The following TRPM1 variants were observed in gnomAD, a reference collection of about 807,000 sequenced individuals.
TRPM1 encodes TRPM1-203 APA Isoform, Intron 10.
Under a neutral mutation model 149.4 loss-of-function variants are expected in TRPM1, and 113 were observed. The ratio of observed to expected loss-of-function variants is 0.76; its 90% CI spans 0.65 to 0.88. The LOEUF is 0.88. TRPM1 is among the 40% of genes least tolerant of loss of function. TRPM1 has a pLI of 0.00. For missense variants in TRPM1, 1,976 were observed against 2,038.7 expected (o/e 0.97, Z 0.59); for synonymous variants, 741 against 759.5 (o/e 0.98, Z 0.40).
intron 10 of TRPM1, 80 bp from the exon 11 acceptor site, chr15:31,060,724 C>T: frequency 8.8e-7 from 1 of 1,137,172 alleles, no homozygotes; most frequent in Non-Finnish European, 1.3e-6. Flanking sequence ...GTGGTGAGCA[C>T]AGGCTTCCCT....
upstream of TRPM1, among the ~76,000 whole-genome samples, chr15:31,105,435 CTGTGTGTGTGTGTGTGTGTG>C (rs10525947): frequency 0.41 from 61,006 of 148,600 alleles, 12,789 homozygotes; most frequent in East Asian, 0.71. Flanking sequence ...CTGTGTGTCT[CTGTGTGTGTGTGTGTGTGTG>C]TGTGTGTGTG....
chr15:31,075,592 GGTA>G (rs1289157053), intron 3 of TRPM1, among the ~76,000 whole-genome samples: 2 of 152,176 alleles, frequency 1.3e-5, no homozygotes, highest in African/African-American at 4.8e-5. Flanking sequence ...AGCAACAGGT[GGTA>G]AGGGACAGGA....
At position 31,002,801 on chromosome 15, in the gene TRPM1, T is replaced by A; in HGVS notation, c.3899A>T (p.Asn1300Ile). 3.1e-6 allele frequency: 5 copies of A among 1,614,214 alleles called. No homozygotes were observed. The highest frequency in any genetic ancestry group is 4.2e-6 in the Non-Finnish European group (5 of 1,180,038). ...DGYSLYRYHF[N>I]GEELLFEDTS... ...ATCCTCAAATAATAACTCTTCTCCG[T>A]TAAAATGATATCGATACAAGCTGTA... Residue 1300 changes from asparagine (N) to isoleucine (I), a missense_variant, in exon 28 of 28, where the codon AAC becomes ATC. Coordinates refer to ENST00000256552, the MANE Select transcript of TRPM1 (RefSeq NM_001252024.2).
At chr15:31,147,253 G>A (rs2036234904) in intron 1 of TRPM1, among the ~76,000 whole-genome samples, 1 of 152,188 alleles carries the variant, frequency 6.6e-6, no homozygotes, top group Non-Finnish European at 1.5e-5. Flanking sequence ...TGTGCTATGC[G>A]CACACGTTTA....
At chr15:31,006,369 G>T (rs1249849976) in intron 27 of TRPM1, among the ~76,000 whole-genome samples, 2 of 152,260 alleles carry the variant, frequency 1.3e-5, no homozygotes, top group Non-Finnish European at 2.9e-5. Context: ...GTAGAGACGG[G>T]GTTTTGCCAT....
rs1247072167 is a variant in TRPM1 at position 31,026,179 on chromosome 15, G to C, written c.3589C>G (p.Gln1197Glu). The C allele has an allele frequency of 6.2e-7, 1 of 1,612,318 alleles. No individual in the cohort carries two copies. Residue 1197 changes from glutamine to glutamate, a missense_variant, in exon 27 of 28, where the codon CAG becomes GAG. Physicochemically the swap from Gln to Glu is conservative, Grantham distance 29. Coordinates refer to ENST00000256552, the MANE Select transcript of TRPM1 (RefSeq NM_001252024.2). ...EHFREKEDEQ[Q>E]SSSDERIRVT... ...CGGATGCGCTCGTCGCTGGACGACT[G>C]CTGCTCATCCTCCTTCTCCCGGAAG... is the stretch of plus-strand genomic sequence containing the variant.
intron 16 of TRPM1, among the ~76,000 whole-genome samples, chr15:31,042,723 C>T (rs2033659826): frequency 6.6e-6 from 1 of 152,074 alleles, no homozygotes; most frequent in African/African-American, 2.4e-5. Flanking sequence ...TTTTAGGTTT[C>T]CCTCCAGTGT....
intron 22 of TRPM1, among the ~76,000 whole-genome samples, chr15:31,032,422 T>C (rs1050123542): frequency 1.1e-4 from 16 of 152,140 alleles, no homozygotes; most frequent in Admixed American, 2.0e-4. Context: ...TACACACATA[T>C]ATACAGTGAA....
intron 1 of TRPM1, among the ~76,000 whole-genome samples, chr15:31,124,679 A>G (rs1596087359): frequency 6.7e-6 from 1 of 149,986 alleles, no homozygotes; most frequent in Non-Finnish European, 1.5e-5. Flanking sequence ...AAAAAAGTCA[A>G]TCTGAGAAGG....
At position 31,040,093 on chromosome 15, in the gene TRPM1, C is replaced by T. The variant is rs765223616; in HGVS notation, c.2316+25G>A. On this transcript the variant is annotated intron_variant, in intron 18 of 27. Transcript: ENST00000256552. This position sits in a 1 kb window ranked among gnomAD's most constrained non-coding sequence, Gnocchi z 4.2. ...AGTCACTTGTCACTGTCACCCTGGC[C>T]CGCCTCGCAGCACGTTGCACGCACC... is the stretch of plus-strand genomic sequence containing the variant. The T allele has an allele frequency of 2.5e-6, 4 of 1,608,184 alleles. No individual in the cohort carries two copies. Among genetic ancestry groups the T allele is most frequent in the Non-Finnish European group, 8.5e-7 (1 of 1,174,832 alleles).
rs187584070 is a variant in TRPM1, at chr15:31,010,626, G to A, written c.3630-7556C>T. Among the ~76,000 whole-genome samples the A allele has an allele frequency of 7.2e-5, 11 of 151,976 alleles. No individual in the cohort carries two copies. The East Asian group carries it at 1.5e-3, about 21-fold the overall frequency. On this transcript the variant is annotated intron_variant, in intron 27 of 27. Transcript: ENST00000256552. ...TAATTTATCATTTTATTTTGTTGTG[G>A]CCTGAGAATACACTTTGTTTAACTT...
chr15:31,131,987 C>T (rs1022888586), intron 1 of TRPM1, among the ~76,000 whole-genome samples: 12 of 152,214 alleles, frequency 7.9e-5, no homozygotes, highest in African/African-American at 2.2e-4. Flanking sequence ...TAGGCTTAGC[C>T]GCTGGGCCTG....
Position 31,047,101 on chromosome 15 carries a change from T to C in TRPM1, c.1764+10A>G, listed in dbSNP as rs2033789013. On this transcript the variant is annotated intron_variant, in intron 15 of 27. Coordinates refer to ENST00000256552, the MANE Select transcript of TRPM1 (RefSeq NM_001252024.2). ...GAACCACAGAACACTACACAGGCAC[T>C]GAGTTCTACCCTCTTTGGTCCAAAC... The C allele has an allele frequency of 6.2e-7, 1 of 1,614,218 alleles. No homozygotes were observed. Among genetic ancestry groups the C allele is most frequent in the Non-Finnish European group, 8.5e-7 (1 of 1,180,042 alleles).
chr15:31,058,289 T>G (rs1313736902), intron 11 of TRPM1, among the ~76,000 whole-genome samples: 2 of 152,152 alleles, frequency 1.3e-5, no homozygotes, highest in African/African-American at 4.8e-5. Context: ...TCTATTCAAA[T>G]AAGTCATGGT....
chr15:31,160,212 A>G (rs1175963182), intron 1 of TRPM1, among the ~76,000 whole-genome samples: 1 of 152,074 alleles, frequency 6.6e-6, no homozygotes, highest in Non-Finnish European at 1.5e-5. Flanking sequence ...GTGGTCCTTT[A>G]AGGCAGCCCT....
At chr15:31,117,340 G>A (rs2035813304) in intron 1 of TRPM1, among the ~76,000 whole-genome samples, 1 of 152,074 alleles carries the variant, frequency 6.6e-6, no homozygotes, top group Non-Finnish European at 1.5e-5. Flanking sequence ...ACAAAAATTA[G>A]CTGGGCATGG....
intron 1 of TRPM1, among the ~76,000 whole-genome samples, chr15:31,138,650 A>C (rs2036121084): frequency 6.6e-6 from 1 of 152,130 alleles, no homozygotes; most frequent in East Asian, 1.9e-4. Context: ...TTGAGCCCAG[A>C]AGTTCAAGAG....
chr15:31,125,729 CAAAAAAAAAAAAAAAA>C (rs59878175), intron 1 of TRPM1, among the ~76,000 whole-genome samples: 2 of 52,762 alleles, frequency 3.8e-5, no homozygotes, highest in African/African-American at 1.5e-4. Context: ...GACTCCGTCT[CAAAAAAAAAAAAAAAA>C]AAAAAAAAAA....
intron 27 of TRPM1, among the ~76,000 whole-genome samples, chr15:31,020,814 T>A (rs2140890891): frequency 6.6e-6 from 1 of 152,306 alleles, no homozygotes; most frequent in South Asian, 2.1e-4. Context: ...TGTCTCTCTG[T>A]CTTGGTCTTC....
Sources: gnomAD v4.1 joint callset for allele counts (sites outside exome capture counted in the v4.1 genomes callset) on GRCh38, gnomAD v4.1.1 for gene constraint, Gnocchi (gnomAD v3.1) non-coding constraint, MANE v1.5 for transcripts, NCBI Gene and HGNC (gene_info 2026-07-23, HGNC 2026-07-21) for gene names.